Variants in ZC3H12C observed in about 807,000 individuals in gnomAD.
ZC3H12C encodes probable ribonuclease ZC3H12C.
ZC3H12C carries 20 observed loss-of-function variants against 76.3 expected under a neutral mutation model. That is an observed-to-expected ratio of 0.26 (90% CI 0.18 to 0.38). The LOEUF (loss-of-function observed/expected upper bound fraction) is 0.38, where lower values mean the gene tolerates loss of function less well. ZC3H12C is among the 10% of genes least tolerant of loss of function. The probability of loss-of-function intolerance (pLI) is 1.00; values close to 1 mark genes in which losing one functional copy is unlikely to be tolerated. For missense variants in ZC3H12C, 874 were observed against 1,086.5 expected (o/e 0.80, Z 2.75); for synonymous variants, 352 against 399.6 (o/e 0.88, Z 1.42).
Position 110,165,562 on chromosome 11 carries a change from G to A in ZC3H12C, c.2477G>A (p.Gly826Glu), listed in dbSNP as rs375909093. 12 of 1,613,184 alleles carry A rather than the reference G, an allele frequency of 7.4e-6. No homozygotes were observed. The highest frequency in any genetic ancestry group is 1.0e-5 in the Non-Finnish European group (12 of 1,179,494). Residue 826 changes from glycine (G) to glutamate (E), a missense_variant, in exon 6 of 6, where the codon GGA (glycine) becomes GAA (glutamate). Around this residue, in one of 3 missense-constraint regions of ZC3H12C, gnomAD observed 395 missense variants for 434.4 expected, o/e 0.91. Coordinates refer to ENST00000278590, the MANE Select transcript of ZC3H12C (RefSeq NM_033390.2). Reference sequence around the variant, plus strand: ...CCAGCCTGGCGGATCCCATACTGTGGAATGCCGCAAGATCCCCCGAGGTAT... The same window carrying A: ...CCAGCCTGGCGGATCCCATACTGTGAAATGCCGCAAGATCCCCCGAGGTAT... ...QEPAWRIPYC[G>E]MPQDPPRYQD...
chr11:110,140,181 A>G lies in ZC3H12C; in HGVS notation c.773+2767A>G, dbSNP rs1264678687. 4.6e-5 allele frequency among the ~76,000 whole-genome samples: 7 copies of G among 152,036 alleles called. 1 individual carries two copies. Among genetic ancestry groups the G allele is most frequent in the Admixed American group, 4.6e-4 (7 of 15,252 alleles). On this transcript the variant is annotated intron_variant, in intron 2 of 5. Transcript: ENST00000278590. ...GCTGGATATGGTGGTGCATGCCTAC[A>G]TGGGAGGCTGAGGTGGGAGGATGGA...
At chr11:110,118,122 T>TAC (rs1205767939) in intron 1 of ZC3H12C, among the ~76,000 whole-genome samples, 1 of 148,752 alleles carries the variant, frequency 6.7e-6, no homozygotes, top group East Asian at 1.9e-4. Flanking sequence ...ACATACTTTA[T>TAC]ACACACATAT....
At chr11:110,133,570 G>C (rs983441627) in intron 1 of ZC3H12C, among the ~76,000 whole-genome samples, 19 of 152,148 alleles carry the variant, frequency 1.2e-4, no homozygotes, top group African/African-American at 4.3e-4. Context: ...GCATTAAAAA[G>C]TCAACCTAAT....
At chr11:110,093,476 A>T in intron 1 of ZC3H12C, 44 bp downstream of exon 1, 1 of 1,182,778 alleles carries the variant, frequency 8.5e-7, no homozygotes, top group Non-Finnish European at 1.0e-6. Flanking sequence ...CCGCGGCGAG[A>T]GTGGTCCTGG....
chr11:110,094,035 C>T (rs1312879696), intron 1 of ZC3H12C, among the ~76,000 whole-genome samples: 3 of 152,158 alleles, frequency 2.0e-5, no homozygotes, highest in Non-Finnish European at 2.9e-5. Flanking sequence ...CATTTTAGCT[C>T]GGCTGTTCAC....
chr11:110,166,436 T>C lies in ZC3H12C; in HGVS notation c.*699T>C, dbSNP rs1174122060. ...TTTTCTGTTAAGAAATTAGTTAATT[T>C]AATATGGTCAATTTAAAAGAAAGCA... is the stretch of plus-strand genomic sequence containing the variant. On this transcript the variant is annotated 3_prime_UTR_variant, in exon 6 of 6. Transcript: ENST00000278590. 6.6e-6 allele frequency: 1 copy of C among 152,190 alleles called. No individual in the cohort carries two copies. The highest frequency in any genetic ancestry group is 2.4e-5 in the African/African-American group (1 of 41,458). 9.4% of individuals were successfully genotyped at this position (152,190 alleles called of 1,614,324 possible).
intron 1 of ZC3H12C, among the ~76,000 whole-genome samples, chr11:110,118,828 T>A (rs1456029662): frequency 6.6e-6 from 1 of 151,778 alleles, no homozygotes; most frequent in Non-Finnish European, 1.5e-5. Flanking sequence ...AAATAAACGT[T>A]TAAGAAATAT....
chr11:110,107,351 G>A (rs900215717), intron 1 of ZC3H12C, among the ~76,000 whole-genome samples: 1 of 151,760 alleles, frequency 6.6e-6, no homozygotes, highest in Non-Finnish European at 1.5e-5. Context: ...GATACAGTGT[G>A]TACAAAACCA....
Position 110,164,633 on chromosome 11 carries a change from G to C in ZC3H12C, c.1548G>C (p.Arg516Ser), listed in dbSNP as rs1215711104. The C allele has an allele frequency of 6.2e-7, 1 of 1,613,948 alleles. No homozygotes were observed. Among genetic ancestry groups the C allele is most frequent in the South Asian group, 1.1e-5 (1 of 91,076 alleles). ...CCACCAAAAACAAATTGGAAACCAGGTCTGTACCTTCCTTAGTTAGCATCC... is the reference window on the plus strand; with the variant it reads ...CCACCAAAAACAAATTGGAAACCAGCTCTGTACCTTCCTTAGTTAGCATCC... ...KLPTKNKLET[R>S]SVPSLVSIPA... The change falls in exon 6 of 6, where the codon AGG becomes AGC. Residue 516 changes from arginine (R) to serine (S), a missense_variant. By Grantham distance (110) the Arg-to-Ser change is moderately radical (BLOSUM62 -1). Transcript: ENST00000278590. This position sits in a 1 kb window ranked among gnomAD's most constrained non-coding sequence, Gnocchi z 5.7.
intron 1 of ZC3H12C, among the ~76,000 whole-genome samples, chr11:110,103,614 T>G (rs28675145): frequency 0.012 from 1,735 of 146,984 alleles, 31 homozygotes; most frequent in African/African-American, 0.04. Flanking sequence ...TTTTTTTTTG[T>G]TTTTTTTTTG....
intron 2 of ZC3H12C, among the ~76,000 whole-genome samples, chr11:110,145,483 G>A (rs949454393): frequency 3.3e-5 from 5 of 152,042 alleles, no homozygotes; most frequent in Admixed American, 2.6e-4. Context: ...TTTGGATAGA[G>A]GTAATGAGGT....
Position 110,137,463 on chromosome 11 carries a change from A to G in ZC3H12C, c.773+49A>G, listed in dbSNP as rs556030405. Reference sequence around the variant, plus strand: ...AAATTACTACCAAATAATCTTTAAAAGCCTTATTTCTAATTTTGTGGCTCT... The same window carrying G: ...AAATTACTACCAAATAATCTTTAAAGGCCTTATTTCTAATTTTGTGGCTCT... On this transcript the variant is annotated intron_variant, in intron 2 of 5. Transcript: ENST00000278590. The G allele has an allele frequency of 1.2e-4, 175 of 1,515,578 alleles. No homozygotes were observed. The Middle Eastern group carries it at 1.2e-3, about 11-fold the overall frequency. 93.9% of individuals were successfully genotyped at this position (1,515,578 alleles called of 1,614,324 possible).
rs369804948 is a variant in ZC3H12C, at chr11:110,167,145, C to G, written c.*1408C>G. 6.6e-6 allele frequency: 1 copy of G among 152,296 alleles called. No individual in the cohort carries two copies. The highest frequency in any genetic ancestry group is 2.1e-4 in the South Asian group (1 of 4,818). The allele number at this position is 152,296 out of a possible 1,614,324, so 9.4% of individuals were successfully genotyped here. A position where few individuals can be genotyped will look rare whatever the true frequency, so the allele number is the denominator to read the frequency against. ...CGTCCAGGTTTTGAATTGTACTTCA[C>G]GTAACAGATGCATTCAGATCTTTTT... On this transcript the variant is annotated 3_prime_UTR_variant, in exon 6 of 6. Transcript: ENST00000278590.
chr11:110,161,346 T>C (rs1862478437), intron 4 of ZC3H12C, among the ~76,000 whole-genome samples: 1 of 152,226 alleles, frequency 6.6e-6, no homozygotes. Context: ...CAAGATGTTA[T>C]GCAGTGCGTG....
chr11:110,143,358 AGTC>A (rs1862101363), intron 2 of ZC3H12C, among the ~76,000 whole-genome samples: 2 of 152,308 alleles, frequency 1.3e-5, no homozygotes, highest in South Asian at 4.1e-4. Context: ...AAGGTCTTAA[AGTC>A]ATTTTTTTTA....
At chr11:110,118,747 G>C (rs1861604825) in intron 1 of ZC3H12C, among the ~76,000 whole-genome samples, 1 of 152,072 alleles carries the variant, frequency 6.6e-6, no homozygotes, top group South Asian at 2.1e-4. Context: ...CAGTGAGCCA[G>C]GATGGCGCCA....
intron 1 of ZC3H12C, among the ~76,000 whole-genome samples, chr11:110,103,557 G>C (rs114705721): frequency 0.019 from 2,876 of 152,058 alleles, 94 homozygotes; most frequent in African/African-American, 0.065. Flanking sequence ...TCCAGGTAAT[G>C]GAATTGATGC....
At chr11:110,149,343 G>T (rs1488293957) in intron 2 of ZC3H12C, among the ~76,000 whole-genome samples, 1 of 152,202 alleles carries the variant, frequency 6.6e-6, no homozygotes, top group East Asian at 1.9e-4. Context: ...GCCATCTAAG[G>T]CTGGGAGGAG....
intron 2 of ZC3H12C, among the ~76,000 whole-genome samples, chr11:110,140,552 G>A (rs762437143): frequency 2.6e-5 from 4 of 152,214 alleles, no homozygotes; most frequent in South Asian, 2.1e-4. Context: ...CTTCTGTTGA[G>A]TGTTAGAATG....
Sources: gnomAD v4.1 joint callset for allele counts (sites outside exome capture counted in the v4.1 genomes callset) on GRCh38, gnomAD v4.1.1 for gene constraint, gnomAD v4.1.1 regional missense constraint, Gnocchi (gnomAD v3.1) non-coding constraint, MANE v1.5 for transcripts, NCBI Gene and HGNC (gene_info 2026-07-23, HGNC 2026-07-21) for gene names.